The following EPHA8 variants were observed in gnomAD, a reference collection of about 807,000 sequenced individuals.
EPHA8 encodes the protein EPH receptor A8.
In EPHA8, 58 loss-of-function variants were observed where a neutral mutation model predicts 103.6. That is an observed-to-expected ratio of 0.56 (90% CI 0.45 to 0.70). The LOEUF (loss-of-function observed/expected upper bound fraction) is 0.70. Among genes scored for constraint, EPHA8 ranks in the 30% least tolerant of loss-of-function variants. The probability of loss-of-function intolerance (pLI) is 0.00; values close to 1 mark genes in which losing one functional copy is unlikely to be tolerated. For missense variants in EPHA8, 1,304 were observed against 1,395.2 expected (o/e 0.93, Z 1.04); for synonymous variants, 559 against 572.5 (o/e 0.98, Z 0.34).
At chr1:22,590,329 A>G (rs1346278307) in intron 5 of EPHA8, among the ~76,000 whole-genome samples, 1 of 152,166 alleles carries the variant, frequency 6.6e-6, no homozygotes, top group Admixed American at 6.5e-5. Flanking sequence ...CCAACATTAA[A>G]GAGGAAACTA....
Position 22,576,668 on chromosome 1 carries a change from GC to G in EPHA8, c.614del (p.Pro205LeufsTer14). On this transcript the variant is annotated frameshift_variant, in exon 3 of 17. Transcript: ENST00000166244. LOFTEE classifies it high-confidence loss of function. The surrounding 1 kb of genome is among the most constrained non-coding windows in gnomAD (Gnocchi z 4.8). ...ILSLRIYYKK[C>X]PAMVRNLAAF... is the part of the protein sequence containing the mutation. Reference sequence around the variant, plus strand: ...TCTCTCCGCATCTACTATAAGAAGTGCCCTGCCATGGTGCGCAATCTGGCTG... The same window carrying G: ...TCTCTCCGCATCTACTATAAGAAGTGCCTGCCATGGTGCGCAATCTGGCTG... 6.2e-7 allele frequency: 1 copy of G among 1,613,848 alleles called. No homozygotes were observed. The highest frequency in any genetic ancestry group is 1.1e-5 in the South Asian group (1 of 91,074).
In EPHA8 at chr1:22,563,903, G is replaced by A. The variant is rs1185808248; in HGVS notation, c.94+174G>A. Among the ~76,000 whole-genome samples, 1 of 152,030 alleles carries A rather than the reference G, an allele frequency of 6.6e-6. No homozygotes were observed. The highest frequency in any genetic ancestry group is 2.4e-5 in the African/African-American group (1 of 41,426). ...GAGACCCGGGATTAAGGGACAGAGC[G>A]GTGGAGATGGGAACCCGCGAGCTTG... On this transcript the variant is annotated intron_variant, in intron 1 of 16. Coordinates refer to ENST00000166244, the MANE Select transcript of EPHA8 (RefSeq NM_020526.5). This position sits in a 1 kb window ranked among gnomAD's most constrained non-coding sequence, Gnocchi z 4.4.
rs1439166695 is a variant in EPHA8, at chr1:22,603,502, G to A, written c.*1761G>A. On this transcript the variant is annotated 3_prime_UTR_variant, in exon 17 of 17. Transcript: ENST00000166244. ...GTGTGGCCCCTCACTCTAGTGTGTGGTCCCTCTCAGGGTCCTGGGGATCTG... is the reference window on the plus strand; with the variant it reads ...GTGTGGCCCCTCACTCTAGTGTGTGATCCCTCTCAGGGTCCTGGGGATCTG... 6.6e-6 allele frequency: 1 copy of A among 152,018 alleles called. No homozygotes were observed. The highest frequency in any genetic ancestry group is 1.5e-5 in the Non-Finnish European group (1 of 67,956). 9.4% of individuals were successfully genotyped at this position (152,018 alleles called of 1,614,324 possible).
Position 22,576,667 on chromosome 1 carries a change from T to C in EPHA8, c.610T>C (p.Cys204Arg), listed in dbSNP as rs781359092. 3 of 1,613,634 alleles carry C rather than the reference T, an allele frequency of 1.9e-6. No individual in the cohort carries two copies. In the South Asian group the frequency reaches 3.3e-5, roughly 18 times the overall value. ...CTCTCTCCGCATCTACTATAAGAAG[T>C]GCCCTGCCATGGTGCGCAATCTGGC... is the stretch of plus-strand genomic sequence containing the variant. ...ILSLRIYYKKCPAMVRNLAAF... is the reference protein window; with the variant it reads ...ILSLRIYYKKRPAMVRNLAAF... The change falls in exon 3 of 17, where the codon TGC becomes CGC. Residue 204 changes from cysteine (C) to arginine (R), a missense_variant. Physicochemically the swap from Cys to Arg is radical, Grantham distance 180. Coordinates refer to ENST00000166244, the MANE Select transcript of EPHA8 (RefSeq NM_020526.5). This position sits in a 1 kb window ranked among gnomAD's most constrained non-coding sequence, Gnocchi z 4.8.
chr1:22,601,317 TC>T lies in EPHA8; in HGVS notation c.2748del (p.Phe916LeufsTer50). 1 of 1,601,204 alleles carries T rather than the reference TC, an allele frequency of 6.2e-7. No homozygotes were observed. Among genetic ancestry groups the T allele is most frequent in the South Asian group, 1.1e-5 (1 of 89,674 alleles). On this transcript the variant is annotated frameshift_variant, in exon 16 of 17. Coordinates refer to ENST00000166244, the MANE Select transcript of EPHA8 (RefSeq NM_020526.5). LOFTEE classifies it high-confidence loss of function. The part of the protein sequence containing the change: ...ATVSRCPPPA[F>X]VRSCFDLRGG... ...TGCCTCAGGTGCCCACCCCCTGCCT[TC>T]GTCCGGAGCTGCTTTGACCTCCGAG... is the stretch of plus-strand genomic sequence containing the variant.
intron 3 of EPHA8, among the ~76,000 whole-genome samples, chr1:22,581,888 C>A (rs1280316743): frequency 6.6e-6 from 1 of 152,196 alleles, no homozygotes; most frequent in African/African-American, 2.4e-5. Flanking sequence ...TTCTCAGCCC[C>A]GTTGGTGGCT....
chr1:22,570,938 G>A (rs1289384917), intron 2 of EPHA8, among the ~76,000 whole-genome samples: 2 of 152,244 alleles, frequency 1.3e-5, no homozygotes, highest in African/African-American at 4.8e-5. Flanking sequence ...TGGTCCCCCC[G>A]TGGCAGGGTT....
rs11582171 is a variant in EPHA8 at position 22,584,608 on chromosome 1, C to A, written c.824-1872C>A. On this transcript the variant is annotated intron_variant, in intron 3 of 16. Coordinates refer to ENST00000166244, the MANE Select transcript of EPHA8 (RefSeq NM_020526.5). Reference sequence around the variant, plus strand: ...CCTGATGTCTTTGTAATTGAAGGTTCTCTCAGGCACTGAGTTTTCCAGAAC... The same window carrying A: ...CCTGATGTCTTTGTAATTGAAGGTTATCTCAGGCACTGAGTTTTCCAGAAC... Among the ~76,000 whole-genome samples the A allele has an allele frequency of 7.8e-3, 1,195 of 152,308 alleles. 6 individuals are homozygous for A. Among genetic ancestry groups the A allele is most frequent in the Middle Eastern group, 0.014 (4 of 294 alleles).
At chr1:22,595,433 C>A in intron 8 of EPHA8, 110 bp downstream of exon 8, 1 of 765,160 alleles carries the variant, frequency 1.3e-6, no homozygotes, top group African/African-American at 1.7e-5. Flanking sequence ...GGCTGGCTCA[C>A]TTACAAACAC....
At chr1:22,566,907 G>A (rs1054058882) in intron 1 of EPHA8, among the ~76,000 whole-genome samples, 1 of 152,172 alleles carries the variant, frequency 6.6e-6, no homozygotes, top group African/African-American at 2.4e-5. Flanking sequence ...GGGAGGGGAG[G>A]GACATAGAAG....
Position 22,576,718 on chromosome 1 carries a change from GC to G in EPHA8, c.663del (p.Asp222ThrfsTer8). On this transcript the variant is annotated frameshift_variant, in exon 3 of 17. Transcript: ENST00000166244. LOFTEE classifies it high-confidence loss of function. The surrounding 1 kb of genome is among the most constrained non-coding windows in gnomAD (Gnocchi z 4.8). ...LAAFSEAVTG[A>X]DSSSLVEVRG... is the part of the protein sequence containing the mutation. ...TGCCTTCTCGGAGGCAGTGACGGGG[GC>G]CGACTCGTCCTCACTGGTGGAGGTG... 1 of 1,613,874 alleles carries G rather than the reference GC, an allele frequency of 6.2e-7. No homozygotes were observed. Among genetic ancestry groups the G allele is most frequent in the Non-Finnish European group, 8.5e-7 (1 of 1,180,046 alleles).
At chr1:22,593,749 G>A (rs1641441929) in intron 7 of EPHA8, 63 bp downstream of exon 7, 4 of 1,461,016 alleles carry the variant, frequency 2.7e-6, no homozygotes, top group East Asian at 5.0e-5. Flanking sequence ...GGGGTCGGGG[G>A]GTGGCCGAGG....
Position 22,589,516 on chromosome 1 carries a change from T to C in EPHA8, c.1315+310T>C, listed in dbSNP as rs2148254222. ...CTCCCTGGTGCAATGGGAATAATAG[T>C]ACCTGCCTGAGGTCCTCTCAGGAGG... On this transcript the variant is annotated intron_variant, in intron 5 of 16. Transcript: ENST00000166244. The surrounding 1 kb of genome is among the most constrained non-coding windows in gnomAD (Gnocchi z 4.3). 1 of 1,410,712 alleles carries C rather than the reference T, an allele frequency of 7.1e-7. No homozygotes were observed. The highest frequency in any genetic ancestry group is 9.2e-7 in the Non-Finnish European group (1 of 1,086,694). The allele number at this position is 1,410,712 out of a possible 1,614,324, so 87.4% of individuals were successfully genotyped here.
rs538865619 is a variant in EPHA8 at position 22,590,514 on chromosome 1, G to A, written c.1315+1308G>A. Reference sequence around the variant, plus strand: ...GCCCTGCGTGGCCACATCCATGGGCGCCTCTTCCCCCTTTCATTTCCTCCT... The same window carrying A: ...GCCCTGCGTGGCCACATCCATGGGCACCTCTTCCCCCTTTCATTTCCTCCT... On this transcript the variant is annotated intron_variant, in intron 5 of 16. Coordinates refer to ENST00000166244, the MANE Select transcript of EPHA8 (RefSeq NM_020526.5). Among the ~76,000 whole-genome samples the A allele has an allele frequency of 4.6e-5, 7 of 152,132 alleles. No homozygotes were observed. In the South Asian group the frequency reaches 1.0e-3, roughly 23 times the overall value.
rs904533603 is a variant in EPHA8 at position 22,569,683 on chromosome 1, G to A, written c.159+330G>A. Among the ~76,000 whole-genome samples, 10 of 152,126 alleles carry A rather than the reference G, an allele frequency of 6.6e-5. No homozygotes were observed. The highest frequency in any genetic ancestry group is 1.0e-4 in the Non-Finnish European group (7 of 68,032). On this transcript the variant is annotated intron_variant, in intron 2 of 16. Coordinates refer to ENST00000166244, the MANE Select transcript of EPHA8 (RefSeq NM_020526.5). The surrounding 1 kb of genome is among the most constrained non-coding windows in gnomAD (Gnocchi z 4.5). ...CCAGCCAGGCCTTCCTGCCTTCTGG[G>A]TTGCTCCCTCCCTCCCAGCTGCCCT...
intron 2 of EPHA8, among the ~76,000 whole-genome samples, chr1:22,570,173 TACTC>T (rs1283764612): frequency 1.3e-5 from 2 of 152,204 alleles, no homozygotes; most frequent in African/African-American, 2.4e-5. Context: ...TTAACATTGT[TACTC>T]ACGTGTGTTC....
At chr1:22,584,518 C>T (rs564479667) in intron 3 of EPHA8, among the ~76,000 whole-genome samples, 1 of 152,314 alleles carries the variant, frequency 6.6e-6, no homozygotes, top group African/African-American at 2.4e-5. Context: ...TACAAATGAA[C>T]CTGGTTTTAG....
chr1:22,597,502 G>A lies in EPHA8; in HGVS notation c.1930+26G>A. ...GTGAGTCTCAGGGGTTGTGAGGGCG[G>A]GGCCAGCATGGGGCAAGGTGGGGGC... On this transcript the variant is annotated intron_variant, in intron 10 of 16. Transcript: ENST00000166244. This position sits in a 1 kb window ranked among gnomAD's most constrained non-coding sequence, Gnocchi z 4.6. 1.2e-6 allele frequency: 2 copies of A among 1,604,988 alleles called. No homozygotes were observed. Among genetic ancestry groups the A allele is most frequent in the South Asian group, 1.1e-5 (1 of 89,874 alleles).
Position 22,578,835 on chromosome 1 carries a change from GTA to G in EPHA8, c.823+1959_823+1960del, listed in dbSNP as rs199894302. Among the ~76,000 whole-genome samples, 1,168 of 151,098 alleles carry G rather than the reference GTA, an allele frequency of 7.7e-3. 10 individuals carry two copies. Among genetic ancestry groups the G allele is most frequent in the African/African-American group, 0.027 (1,102 of 41,112 alleles). On this transcript the variant is annotated intron_variant, in intron 3 of 16. Coordinates refer to ENST00000166244, the MANE Select transcript of EPHA8 (RefSeq NM_020526.5). ...TATGTGTACATGTGCATGCCTGTGT[GTA>G]TATGCATGTGTGCATGCATGTGTGT...
Sources: allele counts gnomAD v4.1 joint callset (sites outside exome capture counted in the v4.1 genomes callset), GRCh38; gene constraint gnomAD v4.1.1; non-coding constraint Gnocchi (gnomAD v3.1); transcripts MANE v1.5; gene names NCBI Gene and HGNC (gene_info 2026-07-23, HGNC 2026-07-21).